The following CACNA1C variants were observed in gnomAD, a reference collection of about 807,000 sequenced individuals.
The protein encoded by CACNA1C is calcium voltage-gated channel subunit alpha1 C.
Under a neutral mutation model 229.0 loss-of-function variants are expected in CACNA1C, and 30 were observed. The observed-to-expected ratio is 0.13, with a 90% CI of 0.10 to 0.18. The LOEUF is 0.18. Ranked by LOEUF, CACNA1C falls within the 10% of genes least tolerant of loss-of-function variation. CACNA1C has a pLI of 1.00. For synonymous variants in CACNA1C, 1,114 were observed against 1,132.5 expected, an observed-to-expected ratio of 0.98 and a Z score of 0.33; for missense variants, 1,658 against 2,845.0, an observed-to-expected ratio of 0.58 and a Z score of 9.49.
In CACNA1C at chr12:2,521,850, C is replaced by G. The variant is rs1598792963; in HGVS notation, c.1390+8866C>G. On this transcript the variant is annotated intron_variant, in intron 9 of 46. Transcript: ENST00000399655. ...TGCAGCCAAGTTCATATTTCTGCAG[C>G]CGACTGTGTCACTCCCTTGTTCAAA... Among the ~76,000 whole-genome samples, 4 of 152,306 alleles carry G rather than the reference C, an allele frequency of 2.6e-5. No homozygotes were observed. The East Asian group carries it at 7.7e-4, about 29-fold the overall frequency.
chr12:2,682,015 A>G (rs1191847818), intron 42 of CACNA1C: 1 of 1,611,210 alleles, frequency 6.2e-7, no homozygotes, highest in Non-Finnish European at 8.5e-7. Context: ...GCAGGGACTC[A>G]GGCTCACTGC....
At position 2,695,770 on chromosome 12, in the gene CACNA1C, CTTCA is replaced by C. The variant is rs1220270513; in HGVS notation, c.*4577_*4580del. ...TTTGTGAAGCCTCTTCTGGGTTTAA[CTTCA>C]TTCATCAATTTATTCTTATGTCAAA... On this transcript the variant is annotated 3_prime_UTR_variant, in exon 47 of 47. Transcript: ENST00000399655. 2.0e-5 allele frequency: 3 copies of C among 152,204 alleles called. No homozygotes were observed. Among genetic ancestry groups the C allele is most frequent in the Non-Finnish European group, 4.4e-5 (3 of 68,046 alleles). 9.4% of individuals were successfully genotyped at this position (152,204 alleles called of 1,614,324 possible).
At chr12:2,487,452 C>T (rs1006961448) in intron 6 of CACNA1C, among the ~76,000 whole-genome samples, 2 of 143,302 alleles carry the variant, frequency 1.4e-5, no homozygotes, top group Admixed American at 7.1e-5. Flanking sequence ...CTAGTATGAC[C>T]GGATGGATTA....
intron 3 of CACNA1C, among the ~76,000 whole-genome samples, chr12:2,128,839 A>G (rs1314488895): frequency 6.6e-6 from 1 of 152,254 alleles, no homozygotes; most frequent in Non-Finnish European, 1.5e-5. Context: ...AAACATGATT[A>G]TAGCACGATG....
intron 29 of CACNA1C, among the ~76,000 whole-genome samples, chr12:2,617,798 G>A (rs1024448774): frequency 6.6e-6 from 1 of 152,174 alleles, no homozygotes; most frequent in East Asian, 1.9e-4. Context: ...CTGTAGGTTC[G>A]CATATGGATG....
chr12:2,626,192 ACAGCCACCTCTGCC>A (rs1160867417), intron 29 of CACNA1C, among the ~76,000 whole-genome samples: 3 of 152,164 alleles, frequency 2.0e-5, no homozygotes, highest in African/African-American at 7.2e-5. Context: ...TCCCTCCCCC[ACAGCCACCTCTGCC>A]CAGCGCCCTG....
chr12:2,258,552 C>T (rs1176788943), intron 3 of CACNA1C, among the ~76,000 whole-genome samples: 1 of 152,032 alleles, frequency 6.6e-6, no homozygotes, highest in Non-Finnish European at 1.5e-5. Flanking sequence ...TATGTAGAAC[C>T]TGAGGTCCAT....
At chr12:2,500,435 A>C (rs1056252724) in intron 7 of CACNA1C, among the ~76,000 whole-genome samples, 1 of 152,182 alleles carries the variant, frequency 6.6e-6, no homozygotes, top group Non-Finnish European at 1.5e-5. Flanking sequence ...ATTTTCTGTG[A>C]GGTTAAATGT....
chr12:2,549,816 G>T, intron 9 of CACNA1C, 127 bp from the exon 10 acceptor site: 1 of 695,232 alleles, frequency 1.4e-6, no homozygotes, highest in East Asian at 2.7e-5. Context: ...GCCAGCCAGC[G>T]TGCTCAGCCT....
chr12:2,263,743 G>C (rs1186489031), intron 3 of CACNA1C, among the ~76,000 whole-genome samples: 1 of 152,010 alleles, frequency 6.6e-6, no homozygotes, highest in Non-Finnish European at 1.5e-5. Flanking sequence ...CTATATCTTG[G>C]CTTGAGTGAA....
chr12:2,680,421 A>T (rs546402760), intron 42 of CACNA1C: 2 of 1,561,226 alleles, frequency 1.3e-6, no homozygotes, highest in Non-Finnish European at 8.7e-7. Flanking sequence ...GGGCCCCCGC[A>T]GGGCTCCTCC....
chr12:2,484,388 G>A (rs1367989104), intron 5 of CACNA1C, among the ~76,000 whole-genome samples: 1 of 152,204 alleles, frequency 6.6e-6, no homozygotes, highest in Non-Finnish European at 1.5e-5. Context: ...GTGGGTTGGG[G>A]AGAGGCAGTG....
At position 2,039,363 on chromosome 12, in the gene CACNA1C, G is replaced by A. The variant is rs538283488; in HGVS notation, c.139+68162G>A. On this transcript the variant is annotated intron_variant, in intron 1 of 46. Transcript: ENST00000682462. ...TGATAGAAGTAGGGCAGGTCTCTTG[G>A]TTTCAAAATTTCTCTTTTACCAGCC... is the stretch of plus-strand genomic sequence containing the variant. Among the ~76,000 whole-genome samples the A allele has an allele frequency of 2.6e-5, 4 of 152,224 alleles. No individual in the cohort carries two copies. The South Asian group carries it at 8.3e-4, about 32-fold the overall frequency.
chr12:1,995,471 T>C (rs550323317), intron 1 of CACNA1C, among the ~76,000 whole-genome samples: 2 of 152,386 alleles, frequency 1.3e-5, no homozygotes, highest in African/African-American at 2.4e-5. Context: ...GGGAGCATAA[T>C]GTAGACTCAT....
chr12:2,300,846 G>C (rs1286602372), intron 3 of CACNA1C, among the ~76,000 whole-genome samples: 2 of 152,136 alleles, frequency 1.3e-5, no homozygotes, highest in African/African-American at 4.8e-5. Context: ...TGTTGGGAGA[G>C]TAGGGAGGGA....
chr12:2,144,695 T>C (rs2094555651), intron 3 of CACNA1C, among the ~76,000 whole-genome samples: 1 of 151,484 alleles, frequency 6.6e-6, no homozygotes, highest in Non-Finnish European at 1.5e-5. Flanking sequence ...CTGTATTTCA[T>C]GGAAGCGGGG....
chr12:2,046,509 G>C (rs1235629513), intron 1 of CACNA1C, among the ~76,000 whole-genome samples: 1 of 152,132 alleles, frequency 6.6e-6, no homozygotes, highest in South Asian at 2.1e-4. Context: ...TGCTGAGGTA[G>C]AGGGCCATCA....
chr12:2,525,422 T>C (rs927686016), intron 9 of CACNA1C, among the ~76,000 whole-genome samples: 1 of 152,166 alleles, frequency 6.6e-6, no homozygotes, highest in Non-Finnish European at 1.5e-5. Flanking sequence ...CCTTGTGCTT[T>C]TCAGCCTCAG....
rs371749987 is a variant in CACNA1C at position 2,019,210 on chromosome 12, C to T, written c.139+48009C>T. Among the ~76,000 whole-genome samples the T allele has an allele frequency of 3.9e-5, 6 of 152,180 alleles. No homozygotes were observed. The South Asian group carries it at 6.2e-4, about 16-fold the overall frequency. The stretch of plus-strand genomic sequence containing the variant: ...GGTACAGTGGCTCACACCTGTAATC[C>T]TGACCCTTTGGGAGGTTGAGGTGGG... On this transcript the variant is annotated intron_variant, in intron 1 of 46. Coordinates refer to the CACNA1C transcript ENST00000682462.
Sources: gnomAD v4.1 joint callset for allele counts (sites outside exome capture counted in the v4.1 genomes callset) on GRCh38, gnomAD v4.1.1 for gene constraint, MANE v1.5 for transcripts, NCBI Gene and HGNC (gene_info 2026-07-23, HGNC 2026-07-21) for gene names.